Variants in GRIN2B observed in about 807,000 individuals in gnomAD.
GRIN2B encodes the protein glutamate receptor ionotropic, NMDA 2B.
In GRIN2B, 5 loss-of-function variants were observed where a neutral mutation model predicts 114.5. That is an observed-to-expected ratio of 0.04 (90% confidence interval 0.02 to 0.09). GRIN2B has a LOEUF of 0.09. Among genes scored for constraint, GRIN2B ranks in the 10% least tolerant of loss-of-function variants. The pLI is 1.00. For missense variants in GRIN2B, 1,108 were observed against 1,943.5 expected, an observed-to-expected ratio of 0.57 and a Z score of 8.08; for synonymous variants, 787 against 745.1, an observed-to-expected ratio of 1.06 and a Z score of -0.92.
At chr12:13,696,911 A>G (rs1357586977) in intron 4 of GRIN2B, among the ~76,000 whole-genome samples, 1 of 152,208 alleles carries the variant, frequency 6.6e-6, no homozygotes, top group Admixed American at 6.5e-5. Flanking sequence ...ACCATGAAGC[A>G]GAACTTAATA....
chr12:13,746,629 G>C (rs1291821555), intron 4 of GRIN2B, among the ~76,000 whole-genome samples: 2 of 152,138 alleles, frequency 1.3e-5, no homozygotes, highest in East Asian at 3.9e-4. Context: ...TTAAAGGAGT[G>C]ATACAGTTTG....
rs1404110204 is a variant in GRIN2B at position 13,605,554 on chromosome 12, C to CTCTCTCTG, written c.2010+3048_2010+3049insCAGAGAGA. Among the ~76,000 whole-genome samples the CTCTCTCTG allele has an allele frequency of 3.7e-3, 543 of 147,234 alleles. 2 individuals carry two copies. The highest frequency in any genetic ancestry group is 0.013 in the African/African-American group (520 of 39,184). On this transcript the variant is annotated intron_variant, in intron 10 of 13. Coordinates refer to ENST00000609686, the MANE Select transcript of GRIN2B (RefSeq NM_000834.5). ...TCTCTCTCTCTCTCTCTCTCTCTGA[C>CTCTCTCTG]ACACACACACACACACACACACACA... is the stretch of plus-strand genomic sequence containing the variant.
chr12:13,633,366 G>C (rs918055060), intron 5 of GRIN2B, among the ~76,000 whole-genome samples: 2 of 152,216 alleles, frequency 1.3e-5, no homozygotes, highest in African/African-American at 4.8e-5. Flanking sequence ...TAATGTTTGA[G>C]AACTGCTGGT....
At chr12:13,705,311 C>T (rs751160478) in intron 4 of GRIN2B, among the ~76,000 whole-genome samples, 5 of 152,054 alleles carry the variant, frequency 3.3e-5, no homozygotes, top group Non-Finnish European at 5.9e-5. Context: ...ATCATCATGT[C>T]TATTATTTCA....
intron 4 of GRIN2B, among the ~76,000 whole-genome samples, chr12:13,702,643 A>G (rs892981945): frequency 2.0e-5 from 3 of 152,176 alleles, no homozygotes; most frequent in Non-Finnish European, 2.9e-5. Flanking sequence ...CATCCCTGAG[A>G]GCCAGCTCCA....
intron 4 of GRIN2B, among the ~76,000 whole-genome samples, chr12:13,702,766 T>G (rs564310951): frequency 6.6e-6 from 1 of 152,276 alleles, no homozygotes; most frequent in African/African-American, 2.4e-5. Flanking sequence ...AGGCCAGCAT[T>G]AAAAATTTTA....
intron 2 of GRIN2B, among the ~76,000 whole-genome samples, chr12:13,974,364 C>A (rs1342912406): frequency 1.3e-5 from 2 of 152,206 alleles, no homozygotes; most frequent in Non-Finnish European, 2.9e-5. Context: ...ATCATGAAAG[C>A]AGAAATTAGA....
At position 13,874,087 on chromosome 12, in the gene GRIN2B, TAGA is replaced by T. The variant is rs538511646; in HGVS notation, c.-18-7864_-18-7862del. 6.1e-3 allele frequency among the ~76,000 whole-genome samples: 929 copies of T among 152,284 alleles called. 14 individuals are homozygous for T. Among genetic ancestry groups the T allele is most frequent in the African/African-American group, 0.022 (909 of 41,552 alleles). On this transcript the variant is annotated intron_variant, in intron 2 of 13. Transcript: ENST00000609686. ...AAGCCCCCCAGCTCCTGTAGACCCT[TAGA>T]AGAAGATGGCCCCATCACTGCCAAA... is the stretch of plus-strand genomic sequence containing the variant.
intron 2 of GRIN2B, among the ~76,000 whole-genome samples, chr12:13,868,617 T>C (rs1335677236): frequency 2.0e-5 from 3 of 152,226 alleles, no homozygotes; most frequent in African/African-American, 7.2e-5. Context: ...CGTTTAAAAG[T>C]GGCCCACTCT....
At position 13,616,553 on chromosome 12, in the gene GRIN2B, G is replaced by C; in HGVS notation, c.1230C>G (p.Thr410=). The change falls in exon 6 of 14, where the codon ACC becomes ACG. Residue 410 remains threonine (T), a synonymous_variant. Coordinates refer to ENST00000609686, the MANE Select transcript of GRIN2B (RefSeq NM_000834.5). The part of the protein sequence containing the change: ...EQEDDHLSIV[T]LEEAPFVIVE... ...CAATGACAAATGGTGCCTCCTCCAG[G>C]GTCACAATGCTCAGATGGTCATCCT... 1 of 1,613,652 alleles carries C rather than the reference G, an allele frequency of 6.2e-7. No homozygotes were observed. The highest frequency in any genetic ancestry group is 8.5e-7 in the Non-Finnish European group (1 of 1,179,602).
Position 13,542,536 on chromosome 12 carries a change from A to T in GRIN2B, c.*20247T>A, listed in dbSNP as rs1315561907. ...AGGTACCAGAGTTCCATGTGCTGCCATCAAGTCCCTGCCCCGGGCACTTGC... is the reference window on the plus strand; with the variant it reads ...AGGTACCAGAGTTCCATGTGCTGCCTTCAAGTCCCTGCCCCGGGCACTTGC... On this transcript the variant is annotated 3_prime_UTR_variant, in exon 14 of 14. Transcript: ENST00000609686. The T allele has an allele frequency of 6.6e-6, 1 of 152,214 alleles. No individual in the cohort carries two copies. Among genetic ancestry groups the T allele is most frequent in the Non-Finnish European group, 1.5e-5 (1 of 68,042 alleles). 9.4% of individuals were successfully genotyped at this position (152,214 alleles called of 1,614,324 possible).
At chr12:13,671,608 C>G (rs1436869717) in intron 5 of GRIN2B, among the ~76,000 whole-genome samples, 1 of 152,138 alleles carries the variant, frequency 6.6e-6, no homozygotes, top group Non-Finnish European at 1.5e-5. Context: ...CCCCCAAGTC[C>G]TTCCCTGGCA....
intron 10 of GRIN2B, among the ~76,000 whole-genome samples, chr12:13,607,342 TA>T (rs1949280019): frequency 2.0e-5 from 1 of 50,468 alleles, no homozygotes; most frequent in Admixed American, 4.1e-4. Context: ...ATATTATATA[TA>T]ATATATAAAA....
chr12:13,801,302 C>A (rs980607459), intron 3 of GRIN2B, among the ~76,000 whole-genome samples: 3 of 152,118 alleles, frequency 2.0e-5, no homozygotes, highest in African/African-American at 7.2e-5. Context: ...CAGTTTGTGA[C>A]CCCTATATAA....
chr12:13,811,443 C>T (rs1275126640), intron 3 of GRIN2B, among the ~76,000 whole-genome samples: 7 of 152,188 alleles, frequency 4.6e-5, no homozygotes, highest in Non-Finnish European at 8.8e-5. Flanking sequence ...TAGCTGGGCA[C>T]AGTGGCATGT....
rs553540615 is a variant in GRIN2B, at chr12:13,799,525, A to G, written c.412-45610T>C. Reference sequence around the variant, plus strand: ...ATTGCTAGACCTGATCTCAGGGTAGAACCCCAGGGCATCTCTTGCCCATTG... The same window carrying G: ...ATTGCTAGACCTGATCTCAGGGTAGGACCCCAGGGCATCTCTTGCCCATTG... On this transcript the variant is annotated intron_variant, in intron 3 of 13. Coordinates refer to ENST00000609686, the MANE Select transcript of GRIN2B (RefSeq NM_000834.5). Among the ~76,000 whole-genome samples, 223 of 152,282 alleles carry G rather than the reference A, an allele frequency of 1.5e-3. 2 individuals are homozygous for G. The highest frequency in any genetic ancestry group is 9.7e-4 in the Non-Finnish European group (66 of 68,024).
chr12:13,635,753 C>T (rs1949661136), intron 5 of GRIN2B, among the ~76,000 whole-genome samples: 1 of 152,036 alleles, frequency 6.6e-6, no homozygotes, highest in Non-Finnish European at 1.5e-5. Flanking sequence ...ATTGGAGTTT[C>T]CTCTACATTA....
intron 11 of GRIN2B, among the ~76,000 whole-genome samples, chr12:13,571,589 TA>T (rs960677290): frequency 4.6e-5 from 7 of 152,086 alleles, no homozygotes; most frequent in East Asian, 1.9e-4. Context: ...AAATAATTTG[TA>T]AAAAAAATAC....
At chr12:13,671,425 C>A (rs1403884507) in intron 5 of GRIN2B, among the ~76,000 whole-genome samples, 1 of 152,144 alleles carries the variant, frequency 6.6e-6, no homozygotes, top group African/African-American at 2.4e-5. Context: ...CCCAAGGGAA[C>A]AAAATGTGTA....
Sources: gnomAD v4.1 joint callset for allele counts (sites outside exome capture counted in the v4.1 genomes callset) on GRCh38, gnomAD v4.1.1 for gene constraint, MANE v1.5 for transcripts, NCBI Gene and HGNC (gene_info 2026-07-23, HGNC 2026-07-21) for gene names.